IGSF21: variants seen among roughly 807,000 people sequenced by gnomAD.
The protein encoded by IGSF21 is immunoglobulin superfamily member 21.
In IGSF21, 28 loss-of-function variants were observed where a neutral mutation model predicts 46.8. The observed-to-expected ratio is 0.60, with a 90% CI of 0.44 to 0.82. IGSF21 has a LOEUF of 0.82. Ranked by LOEUF, IGSF21 falls within the 40% of genes least tolerant of loss-of-function variation. IGSF21 has a pLI of 0.00. For missense variants in IGSF21, 624 were observed against 665.5 expected, an observed-to-expected ratio of 0.94 and a Z score of 0.69; for synonymous variants, 284 against 273.6, an observed-to-expected ratio of 1.04 and a Z score of -0.38.
At chr1:18,195,702 C>T (rs908040860) in intron 1 of IGSF21, among the ~76,000 whole-genome samples, 3 of 152,190 alleles carry the variant, frequency 2.0e-5, no homozygotes, top group South Asian at 2.1e-4. Context: ...ACACAGGCAG[C>T]GGCACACAAC....
Position 18,335,202 on chromosome 1 carries a change from G to A in IGSF21, c.424+192G>A, listed in dbSNP as rs1202956559. Among the ~76,000 whole-genome samples the A allele has an allele frequency of 6.6e-6, 1 of 152,220 alleles. No individual in the cohort carries two copies. Among genetic ancestry groups the A allele is most frequent in the African/African-American group, 2.4e-5 (1 of 41,454 alleles). On this transcript the variant is annotated intron_variant, in intron 4 of 9. Transcript: ENST00000251296. The surrounding 1 kb of genome is among the most constrained non-coding windows in gnomAD (Gnocchi z 4.8). ...GCTGAGCCAAGGTGTGACCCGTGAA[G>A]TCTTGCCCCCCATGGGCCTCCCCTC... is the stretch of plus-strand genomic sequence containing the variant.
At chr1:18,114,417 G>A (rs1319287968) in intron 1 of IGSF21, 1 of 152,218 alleles carries the variant, frequency 6.6e-6, no homozygotes, top group African/African-American at 2.4e-5. Flanking sequence ...CTTGCGACAT[G>A]TGCAACCTGG....
intron 1 of IGSF21, among the ~76,000 whole-genome samples, chr1:18,122,193 C>CTTTTTTTTTTTTTTTTTTTTTTTT (rs766563472): frequency 1.1e-4 from 9 of 78,760 alleles, no homozygotes; most frequent in Admixed American, 3.3e-4. Context: ...TTCTTTCTTT[C>CTTTTTTTTTTTTTTTTTTTTTTTT]TTTTTTTTTT....
chr1:18,231,021 G>A lies in IGSF21; in HGVS notation c.183+3011G>A, dbSNP rs550166426. Among the ~76,000 whole-genome samples, 16 of 152,030 alleles carry A rather than the reference G, an allele frequency of 1.1e-4. No individual in the cohort carries two copies. In the South Asian group the frequency reaches 2.9e-3, roughly 28 times the overall value. ...TCCCAGCTTCCTTTCTCCATCCTCCGTGAATGAGCTTACAGAGCCCGGCTT... is the reference window on the plus strand; with the variant it reads ...TCCCAGCTTCCTTTCTCCATCCTCCATGAATGAGCTTACAGAGCCCGGCTT... On this transcript the variant is annotated intron_variant, in intron 2 of 9. Coordinates refer to ENST00000251296, the MANE Select transcript of IGSF21 (RefSeq NM_032880.5).
At chr1:18,252,468 G>A (rs2084852423) in intron 2 of IGSF21, among the ~76,000 whole-genome samples, 1 of 152,208 alleles carries the variant, frequency 6.6e-6, no homozygotes, top group Non-Finnish European at 1.5e-5. Flanking sequence ...CTTCAGAGGT[G>A]GCCGTAGCTT....
chr1:18,276,146 A>T, intron 2 of IGSF21, among the ~76,000 whole-genome samples: 1 of 152,088 alleles, frequency 6.6e-6, no homozygotes, highest in East Asian at 1.9e-4. Context: ...TTGCATCCAC[A>T]CTTCCTCTTG....
chr1:18,326,235 T>C (rs1281284098), intron 3 of IGSF21, among the ~76,000 whole-genome samples: 1 of 152,194 alleles, frequency 6.6e-6, no homozygotes, highest in East Asian at 1.9e-4. Context: ...ACTTGGAGAA[T>C]GAGCAGGTGT....
At chr1:18,347,813 A>G (rs2085910513) in intron 4 of IGSF21, among the ~76,000 whole-genome samples, 1 of 152,202 alleles carries the variant, frequency 6.6e-6, no homozygotes, top group African/African-American at 2.4e-5. Context: ...CTCGGAGCCT[A>G]GAGTGGAAAC....
chr1:18,176,979 A>G (rs1022396822), intron 1 of IGSF21, among the ~76,000 whole-genome samples: 1 of 152,104 alleles, frequency 6.6e-6, no homozygotes, highest in Non-Finnish European at 1.5e-5. Context: ...GATGTATTTG[A>G]GGTTGGTGAG....
At chr1:18,225,285 GA>G (rs1305456255) in intron 1 of IGSF21, among the ~76,000 whole-genome samples, 1 of 151,876 alleles carries the variant, frequency 6.6e-6, no homozygotes, top group Non-Finnish European at 1.5e-5. Context: ...TGGGCTCTCT[GA>G]TCTCACCCTG....
At chr1:18,129,112 T>C (rs1054056041) in intron 1 of IGSF21, among the ~76,000 whole-genome samples, 1 of 152,198 alleles carries the variant, frequency 6.6e-6, no homozygotes, top group Non-Finnish European at 1.5e-5. Flanking sequence ...AAGTCAGTGC[T>C]ATGAATCGAT....
chr1:18,246,214 CCCTCT>C (rs2084781952), intron 2 of IGSF21, among the ~76,000 whole-genome samples: 1 of 152,098 alleles, frequency 6.6e-6, no homozygotes, highest in Non-Finnish European at 1.5e-5. Flanking sequence ...GTGAATGAGG[CCCTCT>C]TGCTTCCTGG....
chr1:18,160,649 C>A (rs1020680861), intron 1 of IGSF21, among the ~76,000 whole-genome samples: 1 of 152,194 alleles, frequency 6.6e-6, no homozygotes, highest in African/African-American at 2.4e-5. Flanking sequence ...CGTGCTCATT[C>A]GGTGTGACGA....
chr1:18,331,948 A>G (rs966258494), intron 3 of IGSF21, among the ~76,000 whole-genome samples: 3 of 152,184 alleles, frequency 2.0e-5, no homozygotes, highest in African/African-American at 7.2e-5. Context: ...TCAAGGAACT[A>G]GGGAACCTGG....
chr1:18,188,330 T>C (rs1409430446), intron 1 of IGSF21, among the ~76,000 whole-genome samples: 1 of 152,078 alleles, frequency 6.6e-6, no homozygotes, highest in Non-Finnish European at 1.5e-5. Context: ...AATTTAGATC[T>C]CCTCCTTGGA....
At chr1:18,264,495 G>A (rs72932975) in intron 2 of IGSF21, among the ~76,000 whole-genome samples, 2,722 of 152,266 alleles carry the variant, frequency 0.018, 83 homozygotes, top group African/African-American at 0.062. Context: ...TTTTCCAGCA[G>A]TGAAATGGGG....
intron 4 of IGSF21, among the ~76,000 whole-genome samples, chr1:18,339,283 C>T (rs1024692222): frequency 6.6e-6 from 1 of 152,206 alleles, no homozygotes; most frequent in Non-Finnish European, 1.5e-5. Context: ...GAGCCCAGAG[C>T]ACGTACTTAT....
intron 4 of IGSF21, among the ~76,000 whole-genome samples, chr1:18,346,466 A>G (rs1292783569): frequency 1.3e-5 from 2 of 152,152 alleles, no homozygotes; most frequent in African/African-American, 4.8e-5. Flanking sequence ...GGAAGTTAGA[A>G]GAACAGAGAC....
At chr1:18,183,891 C>T (rs2086879353) in intron 1 of IGSF21, among the ~76,000 whole-genome samples, 1 of 152,166 alleles carries the variant, frequency 6.6e-6, no homozygotes, top group Non-Finnish European at 1.5e-5. Context: ...CATTGCTCAA[C>T]CGAACATCCC....
Sources: allele counts gnomAD v4.1 joint callset (sites outside exome capture counted in the v4.1 genomes callset), GRCh38; gene constraint gnomAD v4.1.1; non-coding constraint Gnocchi (gnomAD v3.1); transcripts MANE v1.5; gene names NCBI Gene and HGNC (gene_info 2026-07-23, HGNC 2026-07-21).